The following CRAMP1 variants were observed in gnomAD, a reference collection of about 807,000 sequenced individuals.
CRAMP1 encodes the protein protein cramped-like.
A neutral mutation model predicts 115.4 loss-of-function variants in CRAMP1; 50 were observed. The ratio of observed to expected loss-of-function variants is 0.43; its 90% confidence interval spans 0.35 to 0.55. The LOEUF (loss-of-function observed/expected upper bound fraction) is 0.55, where lower values mean the gene tolerates loss of function less well. CRAMP1 is among the 20% of genes least tolerant of loss of function. The probability of loss-of-function intolerance (pLI) is 0.01; values close to 1 mark genes in which losing one functional copy is unlikely to be tolerated. For synonymous variants in CRAMP1, 866 were observed against 745.4 expected, an observed-to-expected ratio of 1.16 and a Z score of -2.64; for missense variants, 1,679 against 1,721.7, an observed-to-expected ratio of 0.98 and a Z score of 0.44.
Position 1,673,968 on chromosome 16 carries a change from A to T in CRAMP1, c.3733A>T (p.Ile1245Phe), listed in dbSNP as rs767759770. ...RFNDLAQELS[I>F]AEPGRREALF... ...CAATGACCTGGCCCAAGAGCTGTCC[A>T]TCGCTGAGCCTGGCCGCCGAGAAGC... is the stretch of plus-strand genomic sequence containing the variant. The change falls in exon 21 of 21, where the codon ATC (isoleucine) becomes TTC (phenylalanine). Residue 1245 changes from isoleucine to phenylalanine, a missense_variant. Physicochemically the swap from Ile to Phe is conservative, Grantham distance 21. Coordinates refer to ENST00000397412, the MANE Select transcript of CRAMP1 (RefSeq NM_020825.4). 6.2e-7 allele frequency: 1 copy of T among 1,613,346 alleles called. No homozygotes were observed. Among genetic ancestry groups the T allele is most frequent in the Non-Finnish European group, 8.5e-7 (1 of 1,179,872 alleles).
At chr16:1,634,556 C>T (rs895817099) in intron 4 of CRAMP1, among the ~76,000 whole-genome samples, 2 of 152,200 alleles carry the variant, frequency 1.3e-5, no homozygotes, top group Admixed American at 6.5e-5. Context: ...GTGCTTCCCT[C>T]TCTTCCTGAC....
intron 1 of CRAMP1, among the ~76,000 whole-genome samples, chr16:1,613,298 A>T (rs571317609): frequency 6.6e-6 from 1 of 152,134 alleles, no homozygotes; most frequent in Admixed American, 6.5e-5. Context: ...GACAGGAGAA[A>T]ACGGCCACGG....
intron 6 of CRAMP1, among the ~76,000 whole-genome samples, chr16:1,644,428 G>A (rs55735479): frequency 0.14 from 21,621 of 152,226 alleles, 2,237 homozygotes; most frequent in African/African-American, 0.28. Flanking sequence ...AGTGGTGACA[G>A]CTGTGGTGTG....
At position 1,613,995 on chromosome 16, in the gene CRAMP1, C is replaced by A. The variant is rs1222763849; in HGVS notation, c.-1-644C>A. ...CCATGGAGTTCCCCGTGCGGGCAGGCGAGCCCGCGCTTCTCCCGTCCCGGG... is the reference window on the plus strand; with the variant it reads ...CCATGGAGTTCCCCGTGCGGGCAGGAGAGCCCGCGCTTCTCCCGTCCCGGG... On this transcript the variant is annotated intron_variant, in intron 1 of 20. Coordinates refer to ENST00000397412, the MANE Select transcript of CRAMP1 (RefSeq NM_020825.4). Among the ~76,000 whole-genome samples, 8 of 151,952 alleles carry A rather than the reference C, an allele frequency of 5.3e-5. No homozygotes were observed. The South Asian group carries it at 8.3e-4, about 16-fold the overall frequency.
intron 6 of CRAMP1, among the ~76,000 whole-genome samples, chr16:1,652,147 T>G (rs2036729955): frequency 1.3e-5 from 2 of 152,098 alleles, no homozygotes; most frequent in South Asian, 4.2e-4. Context: ...GCTGGGGCAG[T>G]GGAGAGAGGG....
intron 13 of CRAMP1, among the ~76,000 whole-genome samples, 180 bp downstream of exon 13, chr16:1,663,015 T>TA (rs755228468): frequency 2.6e-5 from 4 of 152,202 alleles, no homozygotes; most frequent in Non-Finnish European, 5.9e-5. Context: ...TACCCAGAAG[T>TA]AAAGGTAATC....
At position 1,673,064 on chromosome 16, in the gene CRAMP1, C is replaced by T. The variant is rs9922630; in HGVS notation, c.3646-817C>T. On this transcript the variant is annotated intron_variant, in intron 20 of 20. Transcript: ENST00000397412. ...CATGTCCTTGGGATTCTGACGGGAT[C>T]GTGCCCTCCACCTGTCCTCATTTCT... 5.9e-5 allele frequency among the ~76,000 whole-genome samples: 9 copies of T among 151,680 alleles called. No individual in the cohort carries two copies. The South Asian group carries it at 6.3e-4, about 11-fold the overall frequency.
At chr16:1,657,712 C>T (rs1412720520) in intron 10 of CRAMP1, among the ~76,000 whole-genome samples, 3 of 152,112 alleles carry the variant, frequency 2.0e-5, no homozygotes, top group African/African-American at 4.8e-5. Context: ...TTGGTGGAGC[C>T]GACAGATGGG....
Position 1,673,995 on chromosome 16 carries a change from CTGTT to C in CRAMP1, c.3763_3766del (p.Phe1255MetfsTer28). The C allele has an allele frequency of 1.2e-6, 2 of 1,612,778 alleles. No homozygotes were observed. Among genetic ancestry groups the C allele is most frequent in the South Asian group, 1.1e-5 (1 of 91,014 alleles). ...CGCTGAGCCTGGCCGCCGAGAAGCT[CTGTT>C]TGATGGTGGTGGAGGCGGCCCCGCT... is the stretch of plus-strand genomic sequence containing the variant. On this transcript the variant is annotated frameshift_variant, in exon 21 of 21. Coordinates refer to ENST00000397412, the MANE Select transcript of CRAMP1 (RefSeq NM_020825.4). LOFTEE classifies it high-confidence loss of function.
chr16:1,666,237 A>T lies in CRAMP1; in HGVS notation c.2857+60A>T. On this transcript the variant is annotated intron_variant, in intron 15 of 20. Transcript: ENST00000397412. This position sits in a 1 kb window ranked among gnomAD's most constrained non-coding sequence, Gnocchi z 5.0. ...TGAGCCTCTGAGGGATGTTTTTGTG[A>T]CCAGGTTTTTTGAATGTTTTCTTCT... 1 of 1,324,656 alleles carries T rather than the reference A, an allele frequency of 7.5e-7. No homozygotes were observed. The highest frequency in any genetic ancestry group is 1.2e-5 in the South Asian group (1 of 80,054). 82.1% of individuals were successfully genotyped at this position (1,324,656 alleles called of 1,614,324 possible).
chr16:1,668,743 G>A (rs749442), intron 18 of CRAMP1, among the ~76,000 whole-genome samples: 3,334 of 152,274 alleles, frequency 0.022, 232 homozygotes, highest in Admixed American at 0.13. Flanking sequence ...CAGCTCCTAG[G>A]GCTGCTGTGG....
At position 1,656,010 on chromosome 16, in the gene CRAMP1, C is replaced by G. The variant is rs754322290; in HGVS notation, c.1253C>G (p.Ser418Cys). Residue 418 changes from serine to cysteine, a missense_variant, in exon 10 of 21, where the codon TCC (serine) becomes TGC (cysteine). Ser to Cys is a moderately radical substitution (Grantham distance 112, BLOSUM62 -1). Coordinates refer to ENST00000397412, the MANE Select transcript of CRAMP1 (RefSeq NM_020825.4). The surrounding 1 kb of genome is among the most constrained non-coding windows in gnomAD (Gnocchi z 5.6). ...CCGGGCGTGGCTCGCGTGGTGCACTCCAAGGCCTTCTGCACAGTGCACTGG... is the reference window on the plus strand; with the variant it reads ...CCGGGCGTGGCTCGCGTGGTGCACTGCAAGGCCTTCTGCACAGTGCACTGG... ...PLPGVARVVHSKAFCTVHWQE... is the reference protein window; with the variant it reads ...PLPGVARVVHCKAFCTVHWQE... 1.9e-6 allele frequency: 3 copies of G among 1,612,660 alleles called. No individual in the cohort carries two copies. The African/African-American group carries it at 4.0e-5, about 22-fold the overall frequency.
chr16:1,644,192 C>T (rs2036655619), intron 6 of CRAMP1, among the ~76,000 whole-genome samples: 1 of 152,224 alleles, frequency 6.6e-6, no homozygotes, highest in South Asian at 2.1e-4. Context: ...TGGCCGTTCT[C>T]ACCTGACTCT....
rs2036401278 is a variant in CRAMP1, at chr16:1,614,690, G to A, written c.51G>A (p.Lys17=). 1 of 1,326,452 alleles carries A rather than the reference G, an allele frequency of 7.5e-7. No homozygotes were observed. The highest frequency in any genetic ancestry group is 2.2e-5 in the South Asian group (1 of 44,970). 82.2% of individuals were successfully genotyped at this position (1,326,452 alleles called of 1,614,324 possible). ...DGGSGEDGLK[K]LGKRAADEES... ...GCAGCGGGGAGGACGGGCTCAAGAA[G>A]CTGGGCAAGCGGGCGGCCGATGAGG... The change falls in exon 2 of 21, where the codon AAG becomes AAA. Residue 17 remains lysine, a synonymous_variant. Coordinates refer to ENST00000397412, the MANE Select transcript of CRAMP1 (RefSeq NM_020825.4). This position sits in a 1 kb window ranked among gnomAD's most constrained non-coding sequence, Gnocchi z 4.4.
At chr16:1,645,966 C>T (rs981417181) in intron 6 of CRAMP1, among the ~76,000 whole-genome samples, 7 of 152,180 alleles carry the variant, frequency 4.6e-5, no homozygotes, top group Non-Finnish European at 1.0e-4. Context: ...GCACCCTTTG[C>T]GCCACTCTCC....
At chr16:1,616,718 G>C (rs921684099) in intron 2 of CRAMP1, among the ~76,000 whole-genome samples, 18 of 152,214 alleles carry the variant, frequency 1.2e-4, no homozygotes, top group African/African-American at 4.3e-4. Context: ...GGAGAAGCGT[G>C]GGACTTTTCA....
intron 5 of CRAMP1, among the ~76,000 whole-genome samples, chr16:1,638,135 G>T (rs534369479): frequency 6.6e-6 from 1 of 152,102 alleles, no homozygotes; most frequent in Non-Finnish European, 1.5e-5. Flanking sequence ...ACATGCTCGC[G>T]TGCACACATG....
rs761560821 is a variant in CRAMP1, at chr16:1,659,836, C to T, written c.2236-50C>T. 24 of 1,550,434 alleles carry T rather than the reference C, an allele frequency of 1.5e-5. No individual in the cohort carries two copies. The Admixed American group carries it at 3.9e-4, about 25-fold the overall frequency. On this transcript the variant is annotated intron_variant, in intron 10 of 20. Transcript: ENST00000397412. Reference sequence around the variant, plus strand: ...CTCCTACTCCAGGGCACGCAAGAGCCATTTCTCATGTGCTGAGTTTGGACA... The same window carrying T: ...CTCCTACTCCAGGGCACGCAAGAGCTATTTCTCATGTGCTGAGTTTGGACA...
At chr16:1,661,700 A>T (rs1365293274) in intron 11 of CRAMP1, among the ~76,000 whole-genome samples, 1 of 149,870 alleles carries the variant, frequency 6.7e-6, no homozygotes, top group Non-Finnish European at 1.5e-5. Flanking sequence ...GGTTCAAGCG[A>T]GTCTCCTGCC....
Sources: allele counts gnomAD v4.1 joint callset (sites outside exome capture counted in the v4.1 genomes callset), GRCh38; gene constraint gnomAD v4.1.1; non-coding constraint Gnocchi (gnomAD v3.1); transcripts MANE v1.5; gene names NCBI Gene and HGNC (gene_info 2026-07-23, HGNC 2026-07-21).